GPAT3: variants seen among roughly 807,000 people sequenced by gnomAD.
The protein encoded by GPAT3 is 1-AGP acyltransferase 9.
In GPAT3, 53 loss-of-function variants were observed where a neutral mutation model predicts 58.8. The observed-to-expected ratio is 0.90, with a 90% CI of 0.72 to 1.13. GPAT3 has a LOEUF of 1.13. GPAT3 is among the 50% of genes most tolerant of loss of function. The pLI is 0.00. For missense variants in GPAT3, 511 were observed against 527.6 expected (o/e 0.97, Z 0.31); for synonymous variants, 197 against 187.4 (o/e 1.05, Z -0.42).
intron 11 of GPAT3, among the ~76,000 whole-genome samples, chr4:83,600,861 T>C (rs748787769): frequency 1.4e-4 from 22 of 152,166 alleles, no homozygotes; most frequent in Non-Finnish European, 2.8e-4. Flanking sequence ...CACAAAACAG[T>C]CTATACCTCA....
chr4:83,581,382 A>C (rs182169725), intron 2 of GPAT3, among the ~76,000 whole-genome samples, 180 bp from the exon 3 acceptor site: 1 of 152,250 alleles, frequency 6.6e-6, no homozygotes, highest in African/African-American at 2.4e-5. Flanking sequence ...ATGCAGACAC[A>C]GTGATTTCAC....
chr4:83,556,562 A>ATTT (rs34164453), intron 2 of GPAT3, among the ~76,000 whole-genome samples: 4 of 150,054 alleles, frequency 2.7e-5, no homozygotes, highest in East Asian at 3.9e-4. Flanking sequence ...TCTCAACGCT[A>ATTT]TTTTTTTTTC....
chr4:83,537,656 A>G (rs1314916698), intron 1 of GPAT3, among the ~76,000 whole-genome samples: 1 of 149,842 alleles, frequency 6.7e-6, no homozygotes, highest in Non-Finnish European at 1.5e-5. Context: ...GGGTCTTGCT[A>G]TCTTGGCTAG....
chr4:83,602,950 G>A (rs1333094661), intron 11 of GPAT3, among the ~76,000 whole-genome samples: 1 of 152,126 alleles, frequency 6.6e-6, no homozygotes, highest in Non-Finnish European at 1.5e-5. Flanking sequence ...ATCACAGTCT[G>A]TTTTTAAGTT....
At chr4:83,570,471 CTTT>C (rs11417042) in intron 2 of GPAT3, among the ~76,000 whole-genome samples, 10 of 126,640 alleles carry the variant, frequency 7.9e-5, no homozygotes, top group Admixed American at 3.3e-4. Context: ...TGGGAGAACT[CTTT>C]TTTTTTTTTT....
At position 83,590,275 on chromosome 4, in the gene GPAT3, GATGGATGTTATGCT is replaced by G; in HGVS notation, c.726_738+1del. 1 of 1,613,702 alleles carries G rather than the reference GATGGATGTTATGCT, an allele frequency of 6.2e-7. No homozygotes were observed. Among genetic ancestry groups the G allele is most frequent in the South Asian group, 1.1e-5 (1 of 91,066 alleles). ...CATTGATGTTTTAATCTTGACAACG[GATGGATGTTATGCT>G]ATGGTAAGAGCAGCTCATTGATATT... On this transcript the variant is annotated frameshift_variant, in exon 6 of 12. Coordinates refer to ENST00000264409, the MANE Select transcript of GPAT3 (RefSeq NM_032717.5). LOFTEE classifies it high-confidence loss of function.
chr4:83,591,392 C>T (rs1287128295), intron 6 of GPAT3, among the ~76,000 whole-genome samples: 2 of 152,026 alleles, frequency 1.3e-5, no homozygotes, highest in East Asian at 1.9e-4. Flanking sequence ...CATTTTAACA[C>T]GTTATTAAAT....
chr4:83,572,267 A>G (rs1725636468), intron 2 of GPAT3, among the ~76,000 whole-genome samples: 3 of 152,140 alleles, frequency 2.0e-5, no homozygotes, highest in African/African-American at 7.2e-5. Flanking sequence ...GTCACTCTTT[A>G]TATATTGACT....
At chr4:83,538,211 C>G (rs1724173828) in intron 1 of GPAT3, among the ~76,000 whole-genome samples, 1 of 152,170 alleles carries the variant, frequency 6.6e-6, no homozygotes, top group East Asian at 1.9e-4. Context: ...TTGTCTTGTA[C>G]TTGCTAGCCT....
At chr4:83,579,148 T>C (rs1578186719) in intron 2 of GPAT3, among the ~76,000 whole-genome samples, 1 of 91,982 alleles carries the variant, frequency 1.1e-5, no homozygotes, top group Admixed American at 1.3e-4. Flanking sequence ...CCTCCCTCCC[T>C]CTCTCTCTTT....
At chr4:83,597,904 T>A (rs1245166988) in intron 9 of GPAT3, 147 bp from the exon 10 acceptor site, 6 of 831,230 alleles carry the variant, frequency 7.2e-6, no homozygotes, top group Non-Finnish European at 1.1e-5. Flanking sequence ...CCCAGTTTAC[T>A]TTTTTTTTGA....
At chr4:83,551,813 A>AAAAAAAATCTATCTATCTATCT (rs768726930) in intron 2 of GPAT3, among the ~76,000 whole-genome samples, 1 of 102,400 alleles carries the variant, frequency 9.8e-6, no homozygotes, top group Non-Finnish European at 1.8e-5. Context: ...AAAAAAAAAA[A>AAAAAAAATCTATCTATCTATCT]ATCTATCTAT....
intron 4 of GPAT3, among the ~76,000 whole-genome samples, chr4:83,587,658 C>T (rs1726429365): frequency 6.6e-6 from 1 of 152,106 alleles, no homozygotes; most frequent in Non-Finnish European, 1.5e-5. Flanking sequence ...GAACTCCTGA[C>T]CTTGTGATTT....
Position 83,581,862 on chromosome 4 carries a change from A to G in GPAT3, c.479+30A>G, listed in dbSNP as rs527445662. On this transcript the variant is annotated intron_variant, in intron 3 of 11. Transcript: ENST00000264409. ...GTCATATGCCTGGTAATTTGATGAT[A>G]CGCTTGACTCAGCTTTCTTTTTGAA... 5 of 1,579,564 alleles carry G rather than the reference A, an allele frequency of 3.2e-6. No homozygotes were observed. In the South Asian group the frequency reaches 5.8e-5, roughly 18 times the overall value.
chr4:83,563,028 C>T (rs1340582186), intron 2 of GPAT3, among the ~76,000 whole-genome samples: 2 of 152,120 alleles, frequency 1.3e-5, no homozygotes, highest in African/African-American at 4.8e-5. Flanking sequence ...AAAGCTAGCA[C>T]AGAAATTAAG....
At chr4:83,597,215 A>G (rs973183008) in intron 8 of GPAT3, among the ~76,000 whole-genome samples, 1 of 152,206 alleles carries the variant, frequency 6.6e-6, no homozygotes, top group Admixed American at 6.5e-5. Flanking sequence ...AGGCCCATAG[A>G]GTGTTCAGTA....
chr4:83,583,199 C>A (rs1726225854), intron 3 of GPAT3, among the ~76,000 whole-genome samples: 1 of 151,824 alleles, frequency 6.6e-6, no homozygotes, highest in Non-Finnish European at 1.5e-5. Flanking sequence ...GAGGCTGAGA[C>A]AGGAGAATCG....
intron 2 of GPAT3, among the ~76,000 whole-genome samples, chr4:83,564,412 A>T (rs561942666): frequency 6.6e-6 from 1 of 152,100 alleles, no homozygotes; most frequent in Non-Finnish European, 1.5e-5. Context: ...TATTAAAATG[A>T]TTAATGGTGG....
chr4:83,604,310 A>G (rs1403186587), intron 11 of GPAT3, among the ~76,000 whole-genome samples: 1 of 152,180 alleles, frequency 6.6e-6, no homozygotes, highest in Non-Finnish European at 1.5e-5. Flanking sequence ...ATCTCAGGTG[A>G]TCCACCCACC....
Sources: gnomAD v4.1 joint callset for allele counts (sites outside exome capture counted in the v4.1 genomes callset) on GRCh38, gnomAD v4.1.1 for gene constraint, MANE v1.5 for transcripts, NCBI Gene and HGNC (gene_info 2026-07-23, HGNC 2026-07-21) for gene names.